The following C1orf21 variants were observed in gnomAD, a reference collection of about 807,000 sequenced individuals.
The protein encoded by C1orf21 is uncharacterized protein C1orf21.
A neutral mutation model predicts 18.7 loss-of-function variants in C1orf21; 3 were observed. The observed-to-expected ratio is 0.16, with a 90% CI of 0.07 to 0.42. The LOEUF is 0.42. Ranked by LOEUF, C1orf21 falls within the 10% of genes least tolerant of loss-of-function variation. C1orf21 has a pLI of 0.99. For missense variants in C1orf21, 104 were observed against 143.6 expected, an observed-to-expected ratio of 0.72 and a Z score of 1.41; for synonymous variants, 41 against 46.4, an observed-to-expected ratio of 0.88 and a Z score of 0.47.
chr1:184,502,610 AT>A (rs971045079), intron 2 of C1orf21, among the ~76,000 whole-genome samples: 1 of 152,128 alleles, frequency 6.6e-6, no homozygotes, highest in Admixed American at 6.5e-5. Context: ...TCTTAGTGAC[AT>A]TAACATTTTT....
intron 3 of C1orf21, among the ~76,000 whole-genome samples, chr1:184,547,420 CTTT>C (rs34169321): frequency 0.2 from 20,436 of 102,940 alleles, 1,499 homozygotes; most frequent in Admixed American, 0.32. Context: ...TACATCCAGA[CTTT>C]TTTTTTTTTT....
At chr1:184,575,220 GTC>G (rs1452518876) in intron 3 of C1orf21, among the ~76,000 whole-genome samples, 1 of 152,284 alleles carries the variant, frequency 6.6e-6, no homozygotes, top group East Asian at 1.9e-4. Flanking sequence ...GCTACAACCA[GTC>G]TCTTCCTAGC....
At chr1:184,434,740 T>G (rs1402673586) in intron 1 of C1orf21, among the ~76,000 whole-genome samples, 4 of 152,118 alleles carry the variant, frequency 2.6e-5, no homozygotes, top group Non-Finnish European at 5.9e-5. Context: ...ACATAAGATA[T>G]TCCTAGAAAC....
At chr1:184,416,515 A>AGACCCTGGGG in intron 1 of C1orf21, among the ~76,000 whole-genome samples, 1 of 152,296 alleles carries the variant, frequency 6.6e-6, no homozygotes, top group Admixed American at 6.5e-5. Flanking sequence ...GTCATTGCTT[A>AGACCCTGGGG]AAATTAAAAA....
chr1:184,562,743 C>G (rs1658984863), intron 3 of C1orf21, among the ~76,000 whole-genome samples: 1 of 152,130 alleles, frequency 6.6e-6, no homozygotes, highest in Non-Finnish European at 1.5e-5. Flanking sequence ...TTTATTCATT[C>G]AAAAAATTTA....
chr1:184,512,022 G>A (rs1197530725), intron 3 of C1orf21, among the ~76,000 whole-genome samples: 1 of 152,106 alleles, frequency 6.6e-6, no homozygotes, highest in African/African-American at 2.4e-5. Flanking sequence ...AGTGTAAATG[G>A]GGCAGCCAAA....
chr1:184,609,805 A>G (rs553696246), intron 5 of C1orf21, among the ~76,000 whole-genome samples: 4 of 152,260 alleles, frequency 2.6e-5, no homozygotes, highest in Non-Finnish European at 4.4e-5. Flanking sequence ...CACTGTGTCT[A>G]TAATAGGATT....
At chr1:184,394,938 T>C (rs1656027580) in intron 1 of C1orf21, among the ~76,000 whole-genome samples, 1 of 151,962 alleles carries the variant, frequency 6.6e-6, no homozygotes. Flanking sequence ...TAGATGCGAC[T>C]CCCAAAACAA....
At chr1:184,505,276 A>G (rs1242885428) in intron 2 of C1orf21, among the ~76,000 whole-genome samples, 1 of 143,308 alleles carries the variant, frequency 7.0e-6, no homozygotes, top group Admixed American at 7.2e-5. Flanking sequence ...TACAGACAAA[A>G]TCATAGAATC....
intron 3 of C1orf21, among the ~76,000 whole-genome samples, chr1:184,535,983 TATC>T: frequency 6.6e-6 from 1 of 152,244 alleles, no homozygotes; most frequent in East Asian, 1.9e-4. Flanking sequence ...ATGTGGTTCT[TATC>T]ATTACATTCT....
intron 1 of C1orf21, among the ~76,000 whole-genome samples, chr1:184,389,752 C>G (rs1042641074): frequency 6.6e-6 from 1 of 152,054 alleles, no homozygotes; most frequent in Non-Finnish European, 1.5e-5. Context: ...TTCTATAAGA[C>G]GTTTTTTTGT....
intron 3 of C1orf21, among the ~76,000 whole-genome samples, chr1:184,537,408 C>T (rs1019416903): frequency 6.6e-6 from 1 of 152,152 alleles, no homozygotes; most frequent in Non-Finnish European, 1.5e-5. Flanking sequence ...TTGAGAATGG[C>T]TTGTTTCACT....
intron 2 of C1orf21, among the ~76,000 whole-genome samples, chr1:184,500,189 AAG>A (rs1657952577): frequency 1.3e-5 from 2 of 152,120 alleles, no homozygotes; most frequent in South Asian, 4.2e-4. Context: ...ACCTTCCTAA[AAG>A]AGTCCAGGCT....
At chr1:184,467,681 G>A (rs1413886402) in intron 1 of C1orf21, among the ~76,000 whole-genome samples, 12 of 152,262 alleles carry the variant, frequency 7.9e-5, no homozygotes, top group African/African-American at 2.9e-4. Context: ...CTTCTTTCTA[G>A]TGTCTCTTGT....
chr1:184,552,032 A>G (rs1257129032), intron 3 of C1orf21, among the ~76,000 whole-genome samples: 1 of 152,120 alleles, frequency 6.6e-6, no homozygotes, highest in Non-Finnish European at 1.5e-5. Flanking sequence ...CAGGCTATGG[A>G]TGATTCATTT....
chr1:184,525,225 A>T (rs1658361257), intron 3 of C1orf21, among the ~76,000 whole-genome samples: 1 of 151,960 alleles, frequency 6.6e-6, no homozygotes, highest in Non-Finnish European at 1.5e-5. Flanking sequence ...TTCTTGGATG[A>T]TTATTCTCAT....
At chr1:184,614,223 T>TACCA (rs1659783536) in intron 5 of C1orf21, among the ~76,000 whole-genome samples, 2 of 152,250 alleles carry the variant, frequency 1.3e-5, no homozygotes, top group Non-Finnish European at 2.9e-5. Context: ...ATTAAGCACC[T>TACCA]ACCATGTGCC....
intron 1 of C1orf21, among the ~76,000 whole-genome samples, chr1:184,390,499 G>A (rs768939794): frequency 5.3e-5 from 8 of 152,126 alleles, no homozygotes; most frequent in African/African-American, 7.2e-5. Context: ...TATTGACTAC[G>A]TAAATCTACT....
chr1:184,526,442 C>T (rs1297344627), intron 3 of C1orf21, among the ~76,000 whole-genome samples: 1 of 152,114 alleles, frequency 6.6e-6, no homozygotes, highest in Non-Finnish European at 1.5e-5. Context: ...GCATTTTATT[C>T]TTTTACTTGG....
Sources: gnomAD v4.1 joint callset for allele counts (sites outside exome capture counted in the v4.1 genomes callset) on GRCh38, gnomAD v4.1.1 for gene constraint, MANE v1.5 for transcripts, NCBI Gene and HGNC (gene_info 2026-07-23, HGNC 2026-07-21) for gene names.